Variants in MSR1 observed in about 807,000 individuals in gnomAD.
The protein encoded by MSR1 is macrophage scavenger receptor 1.
MSR1 carries 53 observed loss-of-function variants against 47.2 expected under a neutral mutation model. The observed-to-expected ratio is 1.12, with a 90% confidence interval of 0.90 to 1.41. MSR1 has a LOEUF of 1.41. MSR1 is among the 40% of genes most tolerant of loss of function. The pLI is 0.00. For synonymous variants in MSR1, 239 were observed against 185.6 expected (o/e 1.29, Z -2.34); for missense variants, 786 against 546.9 (o/e 1.44, Z -4.36).
chr8:16,123,356 T>G lies in MSR1; in HGVS notation c.1034-2750A>C, dbSNP rs149137629. Among the ~76,000 whole-genome samples the G allele has an allele frequency of 2.4e-3, 364 of 152,320 alleles. 4 individuals carry two copies. The highest frequency in any genetic ancestry group is 8.4e-3 in the African/African-American group (349 of 41,590). On this transcript the variant is annotated intron_variant, in intron 8 of 9. Transcript: ENST00000262101. ...TCACCTACTATTCAACTGCTCTGTT[T>G]TGGTGATGTAGAAAAGTTCATTTTG...
chr8:16,150,547 G>A (rs1800827273), intron 6 of MSR1, among the ~76,000 whole-genome samples: 5 of 151,964 alleles, frequency 3.3e-5, no homozygotes, highest in Admixed American at 3.3e-4. Context: ...ATTGTTGGTA[G>A]AAATAAAAGC....
intron 1 of MSR1, among the ~76,000 whole-genome samples, chr8:16,188,584 G>A (rs1277852452): frequency 6.6e-6 from 1 of 151,920 alleles, no homozygotes; most frequent in African/African-American, 2.4e-5. Flanking sequence ...ATGGTGGTTT[G>A]CTGCACCCAT....
At chr8:16,185,912 A>T (rs1266166185) in intron 1 of MSR1, among the ~76,000 whole-genome samples, 6 of 151,786 alleles carry the variant, frequency 4.0e-5, no homozygotes, top group African/African-American at 1.5e-4. Context: ...TGAGTAGAGG[A>T]AGAAGACTCA....
chr8:16,156,826 C>T (rs553704878), intron 5 of MSR1, among the ~76,000 whole-genome samples: 17 of 151,936 alleles, frequency 1.1e-4, no homozygotes, highest in African/African-American at 3.9e-4. Context: ...AAATGCTGCA[C>T]AAGAAATGTA....
intron 6 of MSR1, among the ~76,000 whole-genome samples, chr8:16,151,399 T>C (rs1462327892): frequency 1.3e-5 from 2 of 152,168 alleles, no homozygotes; most frequent in Admixed American, 6.5e-5. Context: ...CAGGCAGTCA[T>C]AGACCTCTGT....
At chr8:16,153,117 A>G (rs1255784658) in intron 6 of MSR1, among the ~76,000 whole-genome samples, 5 of 152,028 alleles carry the variant, frequency 3.3e-5, no homozygotes, top group Non-Finnish European at 7.4e-5. Context: ...TCGCATCATG[A>G]TTGTGAGTCT....
chr8:16,182,576 G>A (rs1204261427), intron 1 of MSR1, among the ~76,000 whole-genome samples: 1 of 144,500 alleles, frequency 6.9e-6, no homozygotes, highest in African/African-American at 2.6e-5. Flanking sequence ...TTTTTTTAAT[G>A]TTTCTACTTC....
chr8:16,126,362 T>C lies in MSR1; in HGVS notation c.1034-5756A>G, dbSNP rs115576707. Among the ~76,000 whole-genome samples, 619 of 152,258 alleles carry C rather than the reference T, an allele frequency of 4.1e-3. 7 individuals carry two copies. The highest frequency in any genetic ancestry group is 0.014 in the African/African-American group (595 of 41,558). ...CAGTTATTATCCTATTGTTTACTCA[T>C]AGTCATGATTTCCTTTTTGTATCAT... On this transcript the variant is annotated intron_variant, in intron 8 of 9. Transcript: ENST00000262101.
chr8:16,146,252 T>C (rs1800695777), intron 7 of MSR1, among the ~76,000 whole-genome samples: 1 of 152,012 alleles, frequency 6.6e-6, no homozygotes, highest in South Asian at 2.1e-4. Context: ...TTCCTCACCT[T>C]ATAACCACTC....
intron 1 of MSR1, among the ~76,000 whole-genome samples, chr8:16,185,693 G>C (rs1025354066): frequency 2.6e-5 from 4 of 151,884 alleles, no homozygotes; most frequent in Admixed American, 6.6e-5. Context: ...ATCTACTCCA[G>C]CCAGGCATCT....
intron 1 of MSR1, among the ~76,000 whole-genome samples, chr8:16,186,793 A>AGTTAC (rs142369040): frequency 6.6e-6 from 1 of 151,568 alleles, no homozygotes; most frequent in Non-Finnish European, 1.5e-5. Flanking sequence ...CACCATGCCC[A>AGTTAC]TCTAGAGATG....
At chr8:16,131,606 T>C (rs1011763076) in intron 8 of MSR1, among the ~76,000 whole-genome samples, 10 of 152,056 alleles carry the variant, frequency 6.6e-5, no homozygotes, top group African/African-American at 1.9e-4. Context: ...AGAGTTTTTA[T>C]AGTTTTAGGC....
intron 1 of MSR1, among the ~76,000 whole-genome samples, chr8:16,190,976 C>A (rs1010571146): frequency 6.6e-6 from 1 of 152,168 alleles, no homozygotes; most frequent in African/African-American, 2.4e-5. Context: ...CTGCCTTGGC[C>A]TCCCAAAGTG....
intron 9 of MSR1, among the ~76,000 whole-genome samples, chr8:16,112,979 C>T (rs1258174183): frequency 7.7e-6 from 1 of 129,968 alleles, no homozygotes; most frequent in African/African-American, 2.8e-5. Context: ...CAGAGACTCA[C>T]TCCCTCTATC....
chr8:16,178,289 G>A (rs964087178), intron 1 of MSR1, among the ~76,000 whole-genome samples: 3 of 127,822 alleles, frequency 2.3e-5, no homozygotes, highest in Non-Finnish European at 4.7e-5. Flanking sequence ...AGTGTGTGAC[G>A]TTCCCCTTCC....
At chr8:16,176,512 G>GAAA (rs201669327) in intron 2 of MSR1, among the ~76,000 whole-genome samples, 2 of 93,832 alleles carry the variant, frequency 2.1e-5, no homozygotes, top group African/African-American at 7.2e-5. Context: ...GTCTCAAAAA[G>GAAA]AAAAAAAAAA....
At chr8:16,150,000 A>G (rs59741936) in intron 7 of MSR1, among the ~76,000 whole-genome samples, 6,021 of 151,630 alleles carry the variant, frequency 0.04, 433 homozygotes, top group African/African-American at 0.14. Context: ...CAAAAATCTG[A>G]TTTCAGAAAT....
At chr8:16,170,025 A>C (rs1051640395) in intron 3 of MSR1, among the ~76,000 whole-genome samples, 2 of 151,606 alleles carry the variant, frequency 1.3e-5, no homozygotes, top group Admixed American at 6.6e-5. Context: ...TTCTAGTTTC[A>C]AAAAAATAAA....
At position 16,150,287 on chromosome 8, in the gene MSR1, C is replaced by T. The variant is rs1375681509; in HGVS notation, c.923G>A (p.Arg308Gln). The T allele has an allele frequency of 3.4e-5, 53 of 1,569,638 alleles. No homozygotes were observed. Among genetic ancestry groups the T allele is most frequent in the East Asian group, 4.6e-5 (2 of 43,278 alleles). ...ACTTCCAGGAAAGCCAATTGCTCCCCGATCACCTTTAAGACCCGGAGGACC... is the reference window on the plus strand; with the variant it reads ...ACTTCCAGGAAAGCCAATTGCTCCCTGATCACCTTTAAGACCCGGAGGACC... ...PIGPPGLKGDRGAIGFPGSRG... is the reference protein window; with the variant it reads ...PIGPPGLKGDQGAIGFPGSRG... Residue 308 changes from arginine to glutamine, a missense_variant, in exon 7 of 10, where the codon CGG becomes CAG. Coordinates refer to ENST00000262101, the MANE Select transcript of MSR1 (RefSeq NM_138715.3).
Sources: gnomAD v4.1 joint callset for allele counts (sites outside exome capture counted in the v4.1 genomes callset) on GRCh38, gnomAD v4.1.1 for gene constraint, MANE v1.5 for transcripts, NCBI Gene and HGNC (gene_info 2026-07-23, HGNC 2026-07-21) for gene names.